The following PVT1 variants were observed in gnomAD, a reference collection of about 807,000 sequenced individuals.
The protein encoded by PVT1 is CXCR4/PVT1 fusion.
At chr8:128,077,549 C>A (rs1814107097) in intron 5 of PVT1, among the ~76,000 whole-genome samples, 1 of 152,086 alleles carries the variant, frequency 6.6e-6, no homozygotes, top group Admixed American at 6.5e-5. Context: ...AAAAACCCAC[C>A]CTGGGCATTT....
At chr8:127,933,277 G>A (rs1340237350) in intron 3 of PVT1, among the ~76,000 whole-genome samples, 1 of 152,166 alleles carries the variant, frequency 6.6e-6, no homozygotes, top group Non-Finnish European at 1.5e-5. Flanking sequence ...GTTTCTCCAT[G>A]TTGGTCAGGC....
At chr8:127,911,862 G>T (rs747604083) in intron 3 of PVT1, among the ~76,000 whole-genome samples, 1 of 152,228 alleles carries the variant, frequency 6.6e-6, no homozygotes, top group African/African-American at 2.4e-5. Context: ...TATCTTAGGC[G>T]ATGGCCAAAA....
intron 3 of PVT1, among the ~76,000 whole-genome samples, chr8:127,906,351 TA>T (rs1815819034): frequency 6.6e-6 from 1 of 152,184 alleles, no homozygotes; most frequent in Non-Finnish European, 1.5e-5. Context: ...GCTCTCTAGT[TA>T]GCACCAAAAT....
At chr8:128,032,004 G>A (rs972983245) in intron 4 of PVT1, among the ~76,000 whole-genome samples, 3 of 152,206 alleles carry the variant, frequency 2.0e-5, no homozygotes, top group African/African-American at 7.2e-5. Context: ...GACAGCGATG[G>A]CGGTGGTGAA....
intron 3 of PVT1, among the ~76,000 whole-genome samples, chr8:127,926,113 C>T (rs10093308): frequency 0.04 from 6,055 of 152,212 alleles, 409 homozygotes; most frequent in African/African-American, 0.14. Context: ...GGTCTCTGGC[C>T]GGCTCTCTTC....
chr8:127,990,411 A>G (rs2129997219), intron 4 of PVT1, among the ~76,000 whole-genome samples: 1 of 152,366 alleles, frequency 6.6e-6, no homozygotes, highest in African/African-American at 2.4e-5. Flanking sequence ...AATTGAAAGG[A>G]GAGAGAAAAA....
rs570184773 is a variant in PVT1, at chr8:128,042,161, G to A, written n.913-27999G>A. ...CCAAGGGACAGGGTCATTTGAACTC[G>A]GTGACTGGAAAAATGGTTGGTGTGA... is the stretch of plus-strand genomic sequence containing the variant. On this transcript the variant is annotated intron_variant and non_coding_transcript_variant, in intron 4 of 10. Coordinates refer to ENST00000651587, the Ensembl canonical transcript of PVT1. 7.9e-5 allele frequency among the ~76,000 whole-genome samples: 12 copies of A among 152,250 alleles called. No individual in the cohort carries two copies. In the East Asian group the frequency reaches 1.9e-3, roughly 24 times the overall value.
At chr8:127,921,863 T>A (rs1563640096) in intron 3 of PVT1, among the ~76,000 whole-genome samples, 1 of 121,812 alleles carries the variant, frequency 8.2e-6, no homozygotes, top group Non-Finnish European at 1.8e-5. Flanking sequence ...TGTTTTTTTT[T>A]TTTTTTTTTT....
At chr8:127,844,337 T>G (rs1296119533) in intron 2 of PVT1, among the ~76,000 whole-genome samples, 1 of 152,124 alleles carries the variant, frequency 6.6e-6, no homozygotes. Flanking sequence ...ATGACAAGTG[T>G]GAAGCAGTGG....
chr8:127,821,868 T>C (rs1214054272), intron 2 of PVT1, among the ~76,000 whole-genome samples: 1 of 152,072 alleles, frequency 6.6e-6, no homozygotes, highest in Non-Finnish European at 1.5e-5. Flanking sequence ...ATATTTCCAC[T>C]GGGCAGTGCT....
intron 3 of PVT1, chr8:127,948,024 G>A: frequency 2.4e-6 from 1 of 413,914 alleles, no homozygotes; most frequent in South Asian, 1.8e-5. Context: ...ACTATCTGCT[G>A]TTGGTCTCAT....
intron 2 of PVT1, among the ~76,000 whole-genome samples, chr8:127,885,053 A>T (rs1815508149): frequency 6.6e-6 from 1 of 152,104 alleles, no homozygotes; most frequent in Non-Finnish European, 1.5e-5. Flanking sequence ...TGGTACCATA[A>T]ATCACAGCTC....
chr8:127,919,202 C>A (rs985313937), intron 3 of PVT1, among the ~76,000 whole-genome samples: 11 of 152,190 alleles, frequency 7.2e-5, no homozygotes, highest in Non-Finnish European at 1.6e-4. Context: ...TCACCTGCCT[C>A]TGCACTTTAA....
intron 3 of PVT1, among the ~76,000 whole-genome samples, chr8:127,927,040 C>T (rs994761543): frequency 1.3e-5 from 2 of 152,136 alleles, no homozygotes; most frequent in South Asian, 2.1e-4. Context: ...GGGAAAAGGA[C>T]GTGGGAAGGC....
intron 3 of PVT1, among the ~76,000 whole-genome samples, chr8:127,974,516 G>A (rs1213764631): frequency 1.3e-5 from 2 of 151,830 alleles, no homozygotes; most frequent in African/African-American, 4.9e-5. Context: ...TCGGGTTCAA[G>A]CAATTCACCT....
At chr8:127,941,198 C>G (rs112049498) in intron 3 of PVT1, among the ~76,000 whole-genome samples, 4 of 152,326 alleles carry the variant, frequency 2.6e-5, no homozygotes, top group African/African-American at 9.6e-5. Flanking sequence ...TCTTTTCTCC[C>G]TCTTTCTTTT....
rs144639920 is a variant in PVT1 at position 127,916,344 on chromosome 8, C to T, written n.782+25346C>T. On this transcript the variant is annotated intron_variant and non_coding_transcript_variant, in intron 3 of 10. Coordinates refer to ENST00000651587, the Ensembl canonical transcript of PVT1. ...AGCTTCTTGCATACTCAGCAGAGAA[C>T]AGACCCAAACTCCCGAATCTAGTGC... is the stretch of plus-strand genomic sequence containing the variant. 5.5e-3 allele frequency among the ~76,000 whole-genome samples: 834 copies of T among 152,306 alleles called. 5 individuals are homozygous for T. Among genetic ancestry groups the T allele is most frequent in the Non-Finnish European group, 8.8e-3 (597 of 68,026 alleles).
At chr8:127,876,153 G>T (rs1179981905) in intron 2 of PVT1, among the ~76,000 whole-genome samples, 1 of 152,204 alleles carries the variant, frequency 6.6e-6, no homozygotes, top group Non-Finnish European at 1.5e-5. Flanking sequence ...TGACCTAGAG[G>T]GGAAGACTGG....
intron 2 of PVT1, among the ~76,000 whole-genome samples, chr8:127,869,741 GT>G (rs1815330860): frequency 6.6e-6 from 1 of 152,166 alleles, no homozygotes; most frequent in Admixed American, 6.5e-5. Context: ...ATTGAGTAGT[GT>G]CCCCCCAAAA....
Sources: gnomAD v4.1 joint callset for allele counts (sites outside exome capture counted in the v4.1 genomes callset) on GRCh38, gnomAD v4.1.1 for gene constraint, MANE v1.5 for transcripts, NCBI Gene and HGNC (gene_info 2026-07-23, HGNC 2026-07-21) for gene names.